MED12L: variants seen among roughly 807,000 people sequenced by gnomAD.
The protein encoded by MED12L is mediator complex subunit 12L.
A neutral mutation model predicts 281.3 loss-of-function variants in MED12L; 60 were observed. That is an observed-to-expected ratio of 0.21 (90% CI 0.17 to 0.26). The LOEUF is 0.26. MED12L is among the 10% of genes least tolerant of loss of function. The probability of loss-of-function intolerance (pLI) is 1.00; values close to 1 mark genes in which losing one functional copy is unlikely to be tolerated. For synonymous variants in MED12L, 974 were observed against 987.2 expected (o/e 0.99, Z 0.25); for missense variants, 2,146 against 2,680.9 (o/e 0.80, Z 4.41).
intron 16 of MED12L, among the ~76,000 whole-genome samples, chr3:151,273,716 C>A (rs561963377): frequency 3.3e-5 from 5 of 152,100 alleles, no homozygotes; most frequent in African/African-American, 1.2e-4. Context: ...TCTAGAATGC[C>A]CACTTTTCAT....
chr3:151,404,531 A>G (rs1466399934), intron 39 of MED12L, among the ~76,000 whole-genome samples: 1 of 152,250 alleles, frequency 6.6e-6, no homozygotes, highest in Non-Finnish European at 1.5e-5. Context: ...CTTCTGGTTC[A>G]TACCATGTGG....
At chr3:151,400,493 A>G (rs567782129) in intron 39 of MED12L, among the ~76,000 whole-genome samples, 2 of 152,308 alleles carry the variant, frequency 1.3e-5, no homozygotes, top group South Asian at 4.1e-4. Context: ...TATAGCTAGT[A>G]TATGTAGCGA....
intron 4 of MED12L, 117 bp from the exon 5 acceptor site, chr3:151,127,704 ACTTT>A (rs1242419796): frequency 1.5e-6 from 1 of 669,548 alleles, no homozygotes; most frequent in Non-Finnish European, 2.4e-6. Context: ...TCAAGGATAT[ACTTT>A]CTTAGGGCCA....
At chr3:151,279,504 A>G (rs1742460439) in intron 16 of MED12L, among the ~76,000 whole-genome samples, 1 of 152,186 alleles carries the variant, frequency 6.6e-6, no homozygotes, top group African/African-American at 2.4e-5. Flanking sequence ...ATCCTTGGCA[A>G]AGACCTGTGA....
In MED12L at chr3:151,195,546, A is replaced by G. The variant is rs535414225; in HGVS notation, c.2250+1880A>G. On this transcript the variant is annotated intron_variant, in intron 16 of 44. Transcript: ENST00000687756. ...TATCTATGCTTTTCTACTGTTACCT[A>G]TAGACATTATTCATTTATAATATAA... Among the ~76,000 whole-genome samples, 400 of 152,268 alleles carry G rather than the reference A, an allele frequency of 2.6e-3. 3 individuals carry two copies. The highest frequency in any genetic ancestry group is 8.8e-3 in the African/African-American group (367 of 41,558).
intron 11 of MED12L, among the ~76,000 whole-genome samples, chr3:151,167,670 G>A (rs777455657): frequency 2.2e-4 from 34 of 152,220 alleles, no homozygotes; most frequent in Non-Finnish European, 4.3e-4. Context: ...TAAATTCATC[G>A]CGAGTTCAGT....
chr3:151,272,354 T>A (rs1741113926), intron 16 of MED12L, among the ~76,000 whole-genome samples: 1 of 152,214 alleles, frequency 6.6e-6, no homozygotes, highest in Non-Finnish European at 1.5e-5. Flanking sequence ...TTGAAGTTGT[T>A]TTTCTACTCA....
chr3:151,122,742 T>A, intron 3 of MED12L, 41 bp from the exon 4 acceptor site: 2 of 1,446,558 alleles, frequency 1.4e-6, no homozygotes, highest in Non-Finnish European at 1.9e-6. Context: ...AGCTACTTGC[T>A]TATTGTCTTA....
intron 16 of MED12L, among the ~76,000 whole-genome samples, chr3:151,271,193 A>T (rs1441341356): frequency 6.6e-6 from 1 of 151,474 alleles, no homozygotes; most frequent in African/African-American, 2.4e-5. Context: ...TCAGTTTCTT[A>T]AAAAAAATGC....
At chr3:151,345,996 G>A (rs1034453885) in intron 16 of MED12L, among the ~76,000 whole-genome samples, 5 of 152,058 alleles carry the variant, frequency 3.3e-5, no homozygotes, top group African/African-American at 1.2e-4. Flanking sequence ...CCTTATAGAG[G>A]TTGAGCAGTG....
At chr3:151,347,683 G>GT (rs1463861060) in intron 16 of MED12L, among the ~76,000 whole-genome samples, 1 of 152,168 alleles carries the variant, frequency 6.6e-6, no homozygotes, top group African/African-American at 2.4e-5. Context: ...CGGTGTGGGT[G>GT]TGGGGGATGT....
chr3:151,328,896 C>T (rs902661215), intron 16 of MED12L: 1 of 1,614,026 alleles, frequency 6.2e-7, no homozygotes, highest in Non-Finnish European at 8.5e-7. Context: ...GTCAAGAAAA[C>T]CACTGTGTAG....
At chr3:151,089,341 C>T (rs560164304) in intron 2 of MED12L, among the ~76,000 whole-genome samples, 17 of 151,572 alleles carry the variant, frequency 1.1e-4, no homozygotes, top group African/African-American at 3.1e-4. Flanking sequence ...AGTTGTGTTC[C>T]ATTAGAGATA....
Position 151,333,649 on chromosome 3 carries a change from T to C in MED12L, c.2251-16410T>C, listed in dbSNP as rs574034080. 9.8e-5 allele frequency among the ~76,000 whole-genome samples: 15 copies of C among 152,378 alleles called. No individual in the cohort carries two copies. The South Asian group carries it at 3.1e-3, about 32-fold the overall frequency. ...TCCATATATTTTTGAGCATTTTTTC[T>C]AGCATGTTTGTAGGAAGTTTCCTAG... On this transcript the variant is annotated intron_variant, in intron 16 of 44. Transcript: ENST00000687756.
chr3:151,364,178 C>A (rs1167361007), intron 21 of MED12L, among the ~76,000 whole-genome samples: 1 of 152,156 alleles, frequency 6.6e-6, no homozygotes, highest in Non-Finnish European at 1.5e-5. Context: ...TATATAGAAT[C>A]TGAGATTTTA....
chr3:151,308,344 A>G (rs374043582), intron 16 of MED12L, among the ~76,000 whole-genome samples: 3 of 152,094 alleles, frequency 2.0e-5, no homozygotes, highest in Non-Finnish European at 2.9e-5. Context: ...AAATTTTACA[A>G]CTTACTGAGG....
rs1719990484 is a variant in MED12L at position 151,435,136 on chromosome 3, G to C, written c.*2332G>C. 1 of 142,164 alleles carries C rather than the reference G, an allele frequency of 7.0e-6. No individual in the cohort carries two copies. The highest frequency in any genetic ancestry group is 2.2e-4 in the South Asian group (1 of 4,492). The allele number at this position is 142,164 out of a possible 1,614,324, so 8.8% of individuals were successfully genotyped here. ...TAAGATGGTCACAAGGTAAAGCCCT[G>C]TGGCAGAACCTGGTACTTTACCTTA... On this transcript the variant is annotated 3_prime_UTR_variant, in exon 45 of 45. Transcript: ENST00000687756.
chr3:151,295,281 A>C (rs994662237), intron 16 of MED12L: 2 of 948,304 alleles, frequency 2.1e-6, no homozygotes, highest in African/African-American at 3.3e-5. Flanking sequence ...AGGTTCCCTT[A>C]CAGACCCAAC....
chr3:151,255,021 A>G (rs948570690), intron 16 of MED12L, among the ~76,000 whole-genome samples: 14 of 152,188 alleles, frequency 9.2e-5, no homozygotes, highest in African/African-American at 3.1e-4. Context: ...ATACTTAACA[A>G]TATAAATATA....
Sources: gnomAD v4.1 joint callset for allele counts (sites outside exome capture counted in the v4.1 genomes callset) on GRCh38, gnomAD v4.1.1 for gene constraint, MANE v1.5 for transcripts, NCBI Gene and HGNC (gene_info 2026-07-23, HGNC 2026-07-21) for gene names.